Variants in TAFA1 observed in about 807,000 individuals in gnomAD.
The protein encoded by TAFA1 is TAFA chemokine like family member 1, also known as chemokine-like protein TAFA-1.
TAFA1 carries 4 observed loss-of-function variants against 18.5 expected under a neutral mutation model. The ratio of observed to expected loss-of-function variants is 0.22; its 90% CI spans 0.11 to 0.49. The LOEUF is 0.49. Ranked by LOEUF, TAFA1 falls within the 20% of genes least tolerant of loss-of-function variation. The pLI is 0.98. For missense variants in TAFA1, 147 were observed against 169.0 expected, an observed-to-expected ratio of 0.87 and a Z score of 0.72; for synonymous variants, 56 against 55.2, an observed-to-expected ratio of 1.01 and a Z score of -0.06.
chr3:68,036,787 A>G (rs558168540), intron 2 of TAFA1, among the ~76,000 whole-genome samples: 26 of 152,312 alleles, frequency 1.7e-4, no homozygotes, highest in Non-Finnish European at 3.2e-4. Flanking sequence ...TACAGCTTGA[A>G]GGCTACTCTG....
At chr3:68,502,210 G>A (rs1042539498) in intron 3 of TAFA1, among the ~76,000 whole-genome samples, 4 of 152,040 alleles carry the variant, frequency 2.6e-5, no homozygotes, top group African/African-American at 9.7e-5. Context: ...ATCATTCTAA[G>A]CAATTTAAAC....
At chr3:68,252,121 A>G (rs2067207855) in intron 2 of TAFA1, among the ~76,000 whole-genome samples, 1 of 152,106 alleles carries the variant, frequency 6.6e-6, no homozygotes, top group Admixed American at 6.5e-5. Context: ...CTTGTTTCTC[A>G]TCTTCTTCCT....
intron 2 of TAFA1, among the ~76,000 whole-genome samples, chr3:68,029,752 A>C (rs560766659): frequency 6.6e-6 from 1 of 152,350 alleles, no homozygotes; most frequent in South Asian, 2.1e-4. Flanking sequence ...TTGGTAATTT[A>C]TTCTGAAAGT....
chr3:68,358,419 A>T (rs1376109051), intron 2 of TAFA1, among the ~76,000 whole-genome samples: 1 of 151,960 alleles, frequency 6.6e-6, no homozygotes, highest in East Asian at 1.9e-4. Context: ...GCATTATTCC[A>T]GTTCTATCAT....
At chr3:68,520,981 T>C (rs1374772025) in intron 3 of TAFA1, among the ~76,000 whole-genome samples, 1 of 152,226 alleles carries the variant, frequency 6.6e-6, no homozygotes, top group African/African-American at 2.4e-5. Context: ...AGGTGGCAAG[T>C]AGCAGAATGC....
chr3:68,328,522 T>C (rs530171518), intron 2 of TAFA1, among the ~76,000 whole-genome samples: 4 of 152,336 alleles, frequency 2.6e-5, no homozygotes, highest in African/African-American at 9.6e-5. Flanking sequence ...TCAGCTGTTT[T>C]CTGAGAGATG....
intron 2 of TAFA1, among the ~76,000 whole-genome samples, chr3:68,071,867 C>T (rs1183985635): frequency 6.6e-6 from 1 of 151,894 alleles, no homozygotes; most frequent in Non-Finnish European, 1.5e-5. Flanking sequence ...TAGGAGAACT[C>T]ACTCGCTATC....
intron 2 of TAFA1, among the ~76,000 whole-genome samples, chr3:68,156,725 T>G (rs887381464): frequency 3.3e-5 from 5 of 151,826 alleles, no homozygotes; most frequent in African/African-American, 1.2e-4. Context: ...ATTTTCATCT[T>G]TATAATATTA....
intron 3 of TAFA1, among the ~76,000 whole-genome samples, chr3:68,525,766 A>G (rs1282525252): frequency 6.6e-6 from 1 of 152,186 alleles, no homozygotes. Flanking sequence ...TTTTGAAGTT[A>G]ATTACAGCAA....
upstream of TAFA1, among the ~76,000 whole-genome samples, chr3:68,001,775 T>C (rs1258875921): frequency 6.6e-6 from 1 of 152,214 alleles, no homozygotes. Context: ...GACTAGATGA[T>C]GCTGCAATAA....
intron 3 of TAFA1, among the ~76,000 whole-genome samples, chr3:68,418,032 C>A (rs930404385): frequency 1.3e-5 from 2 of 152,098 alleles, no homozygotes; most frequent in South Asian, 2.1e-4. Flanking sequence ...CTGGGGGTTA[C>A]AATTTGACAT....
At chr3:68,085,998 C>G (rs533071484) in intron 2 of TAFA1, among the ~76,000 whole-genome samples, 2 of 152,348 alleles carry the variant, frequency 1.3e-5, no homozygotes, top group African/African-American at 4.8e-5. Context: ...AAATCAACAT[C>G]TGATGCTTGA....
chr3:68,371,849 T>C (rs761247285), intron 2 of TAFA1, among the ~76,000 whole-genome samples: 4 of 152,166 alleles, frequency 2.6e-5, no homozygotes, highest in Admixed American at 6.5e-5. Context: ...CTGTTTTTAA[T>C]TGGGAATGGT....
In TAFA1 at chr3:68,113,707, A is replaced by G. The variant is rs75631602; in HGVS notation, c.118+106963A>G. ...GTTCCTACAAAGTATTAAGAAAAAA[A>G]GAAAGTCAATAGAAAAGTGGTTTGT... is the stretch of plus-strand genomic sequence containing the variant. On this transcript the variant is annotated intron_variant, in intron 2 of 4. Coordinates refer to ENST00000478136, the MANE Select transcript of TAFA1 (RefSeq NM_213609.4). 6.6e-3 allele frequency among the ~76,000 whole-genome samples: 999 copies of G among 152,192 alleles called. 8 individuals carry two copies. Among genetic ancestry groups the G allele is most frequent in the African/African-American group, 0.023 (948 of 41,550 alleles).
intron 2 of TAFA1, among the ~76,000 whole-genome samples, chr3:68,112,525 T>C (rs182943181): frequency 2.0e-5 from 3 of 152,286 alleles, no homozygotes; most frequent in Admixed American, 2.0e-4. Context: ...GATATTATAT[T>C]TAATGGTTAA....
At chr3:68,461,001 G>C (rs568148136) in intron 3 of TAFA1, among the ~76,000 whole-genome samples, 1 of 152,260 alleles carries the variant, frequency 6.6e-6, no homozygotes, top group African/African-American at 2.4e-5. Context: ...CCTGGCCATG[G>C]CCAGGTGTGG....
At chr3:68,507,526 A>G (rs2072778033) in intron 3 of TAFA1, among the ~76,000 whole-genome samples, 1 of 152,068 alleles carries the variant, frequency 6.6e-6, no homozygotes. Flanking sequence ...AGTACCTTCT[A>G]CCTATACTTA....
chr3:68,066,333 T>C (rs2064677808), intron 2 of TAFA1, among the ~76,000 whole-genome samples: 1 of 152,216 alleles, frequency 6.6e-6, no homozygotes, highest in Non-Finnish European at 1.5e-5. Flanking sequence ...TCCAGTGCTA[T>C]ATTCCAGCTT....
chr3:68,479,241 A>AAAAAAATAT lies in TAFA1; in HGVS notation c.260-59514_260-59513insAAAAATATA, dbSNP rs1353493315. On this transcript the variant is annotated intron_variant, in intron 3 of 4. Coordinates refer to ENST00000478136, the MANE Select transcript of TAFA1 (RefSeq NM_213609.4). ...TGAGACTCCATCTCAAAAAAAAAAA[A>AAAAAAATAT]ATATATATATATATATATATATGTC... is the stretch of plus-strand genomic sequence containing the variant. Among the ~76,000 whole-genome samples the AAAAAAATAT allele has an allele frequency of 9.1e-3, 1,125 of 123,520 alleles. 21 individuals are homozygous for AAAAAAATAT. The highest frequency in any genetic ancestry group is 0.03 in the African/African-American group (843 of 27,652). The allele number at this position is 123,520 out of a possible 152,430, so 81.0% of individuals were successfully genotyped here.
Sources: allele counts gnomAD v4.1 joint callset (sites outside exome capture counted in the v4.1 genomes callset), GRCh38; gene constraint gnomAD v4.1.1; transcripts MANE v1.5; gene names NCBI Gene and HGNC (gene_info 2026-07-23, HGNC 2026-07-21).